Variants in TSHZ2 observed in about 807,000 individuals in gnomAD.
The protein encoded by TSHZ2 is teashirt homolog 2.
In TSHZ2, 21 loss-of-function variants were observed where a neutral mutation model predicts 74.4. The ratio of observed to expected loss-of-function variants is 0.28; its 90% CI spans 0.20 to 0.41. The LOEUF is 0.41. TSHZ2 is among the 10% of genes least tolerant of loss of function. The pLI is 1.00. For synonymous variants in TSHZ2, 540 were observed against 515.3 expected (o/e 1.05, Z -0.65); for missense variants, 1,244 against 1,293.5 (o/e 0.96, Z 0.59).
chr20:53,154,179 T>C (rs1252158611), intron 1 of TSHZ2, among the ~76,000 whole-genome samples: 1 of 152,180 alleles, frequency 6.6e-6, no homozygotes, highest in Non-Finnish European at 1.5e-5. Flanking sequence ...GCTAGGGGAC[T>C]AGAACAGGGG....
At chr20:53,036,277 T>C (rs1056052374) in intron 1 of TSHZ2, among the ~76,000 whole-genome samples, 11 of 152,188 alleles carry the variant, frequency 7.2e-5, no homozygotes, top group Non-Finnish European at 1.5e-4. Context: ...ATGATAAACA[T>C]TAATTAAGTA....
At chr20:53,038,051 C>CGGGGA (rs1983885788) in intron 1 of TSHZ2, among the ~76,000 whole-genome samples, 1 of 151,772 alleles carries the variant, frequency 6.6e-6, no homozygotes, top group African/African-American at 2.4e-5. Context: ...GGATCACCTT[C>CGGGGA]GGGGAGGGAA....
chr20:53,484,566 AG>A (rs1340934486), intron 2 of TSHZ2, among the ~76,000 whole-genome samples: 1 of 151,444 alleles, frequency 6.6e-6, no homozygotes, highest in East Asian at 1.9e-4. Flanking sequence ...TTGTGTTTTT[AG>A]TAGAGACAGA....
intron 1 of TSHZ2, among the ~76,000 whole-genome samples, chr20:53,019,514 G>A (rs1413494002): frequency 6.6e-6 from 1 of 152,154 alleles, no homozygotes; most frequent in Non-Finnish European, 1.5e-5. Context: ...GGTATCAGGG[G>A]GTTGGGGGAG....
In TSHZ2 at chr20:53,165,449, G is replaced by A. The variant is rs368885799; in HGVS notation, c.41-88050G>A. Among the ~76,000 whole-genome samples, 10 of 152,276 alleles carry A rather than the reference G, an allele frequency of 6.6e-5. No homozygotes were observed. The East Asian group carries it at 7.7e-4, about 12-fold the overall frequency. Reference sequence around the variant, plus strand: ...ATTATTTACACCTTGTCACATTGTCGTGGTGGCGATTGAAAATTTTCTCCT... The same window carrying A: ...ATTATTTACACCTTGTCACATTGTCATGGTGGCGATTGAAAATTTTCTCCT... On this transcript the variant is annotated intron_variant, in intron 1 of 2. Coordinates refer to ENST00000371497, the MANE Select transcript of TSHZ2 (RefSeq NM_173485.6).
intron 2 of TSHZ2, among the ~76,000 whole-genome samples, chr20:53,416,714 T>G (rs1278450796): frequency 6.6e-6 from 1 of 152,216 alleles, no homozygotes; most frequent in Non-Finnish European, 1.5e-5. Flanking sequence ...GCTGAGAACA[T>G]AGTAGATGTC....
intron 2 of TSHZ2, among the ~76,000 whole-genome samples, chr20:53,262,654 C>T (rs1183670130): frequency 6.6e-6 from 1 of 152,132 alleles, no homozygotes. Context: ...GTCATGATGC[C>T]ACGCCCTGCA....
rs561625359 is a variant in TSHZ2, at chr20:53,195,448, A to G, written c.41-58051A>G. The stretch of plus-strand genomic sequence containing the variant: ...CAGGTAAATAAAGTGAAGGTTTGTA[A>G]AATATGAACGTTCATCATCTAAACT... On this transcript the variant is annotated intron_variant, in intron 1 of 2. Transcript: ENST00000371497. 4.6e-5 allele frequency among the ~76,000 whole-genome samples: 7 copies of G among 152,284 alleles called. No homozygotes were observed. The South Asian group carries it at 1.4e-3, about 32-fold the overall frequency.
chr20:53,008,988 TC>T (rs1214132809), intron 1 of TSHZ2, among the ~76,000 whole-genome samples: 8 of 19,774 alleles, frequency 4.0e-4, no homozygotes, highest in African/African-American at 7.0e-4. Flanking sequence ...CTCCTCTCTC[TC>T]TCTCTCTCTC....
chr20:53,257,670 C>T (rs1006143125), intron 2 of TSHZ2, among the ~76,000 whole-genome samples: 1 of 152,194 alleles, frequency 6.6e-6, no homozygotes, highest in Non-Finnish European at 1.5e-5. Context: ...ACACTAAGGG[C>T]CCTCCTATGT....
At chr20:53,324,595 C>T (rs1185828091) in intron 2 of TSHZ2, among the ~76,000 whole-genome samples, 4 of 152,040 alleles carry the variant, frequency 2.6e-5, no homozygotes, top group East Asian at 1.9e-4. Context: ...AGGCTGGTCT[C>T]GAACTCTTGA....
chr20:53,315,726 G>A (rs539185837), intron 2 of TSHZ2, among the ~76,000 whole-genome samples: 7 of 152,258 alleles, frequency 4.6e-5, no homozygotes, highest in African/African-American at 9.6e-5. Context: ...TAGACATCAC[G>A]GCGCTCTCAT....
intron 1 of TSHZ2, among the ~76,000 whole-genome samples, chr20:53,143,803 A>G (rs1385658099): frequency 1.3e-5 from 2 of 152,158 alleles, no homozygotes; most frequent in African/African-American, 4.8e-5. Flanking sequence ...CTGCCTAGAC[A>G]CAGCCGATTT....
At chr20:53,223,197 G>T (rs568954015) in intron 1 of TSHZ2, among the ~76,000 whole-genome samples, 150 of 152,060 alleles carry the variant, frequency 9.9e-4, no homozygotes, top group South Asian at 1.7e-3. Context: ...TGTCTATCAG[G>T]TTTTATTACC....
chr20:53,439,606 A>G (rs1325119354), intron 2 of TSHZ2, among the ~76,000 whole-genome samples: 1 of 152,252 alleles, frequency 6.6e-6, no homozygotes, highest in African/African-American at 2.4e-5. Context: ...ATTCTCACCC[A>G]GAGTGAAGAA....
At chr20:53,066,425 G>A (rs995944305) in intron 1 of TSHZ2, among the ~76,000 whole-genome samples, 2 of 151,770 alleles carry the variant, frequency 1.3e-5, no homozygotes, top group Non-Finnish European at 2.9e-5. Flanking sequence ...TATCTTCTAC[G>A]TAAAGGGAGG....
rs1384176408 is a variant in TSHZ2 at position 53,490,823 on chromosome 20, C to A, written c.*3688C>A. ...CAGTGTGCATGCATGAGTGTGTATT[C>A]ATATATATGTGTATACATATGAATT... On this transcript the variant is annotated 3_prime_UTR_variant, in exon 3 of 3. Transcript: ENST00000371497. The A allele has an allele frequency of 2.0e-5, 3 of 152,152 alleles. No homozygotes were observed. Among genetic ancestry groups the A allele is most frequent in the African/African-American group, 7.2e-5 (3 of 41,422 alleles). The allele number at this position is 152,152 out of a possible 1,614,324, so 9.4% of individuals were successfully genotyped here. A position where few individuals can be genotyped will look rare whatever the true frequency, so the allele number is the denominator to read the frequency against.
At chr20:53,309,344 C>T (rs200708409) in intron 2 of TSHZ2, among the ~76,000 whole-genome samples, 2 of 152,180 alleles carry the variant, frequency 1.3e-5, no homozygotes, top group East Asian at 1.9e-4. Context: ...GCCCTCCCAC[C>T]CCACTTCTAT....
intron 2 of TSHZ2, among the ~76,000 whole-genome samples, chr20:53,429,216 G>A (rs1983756052): frequency 6.6e-6 from 1 of 152,200 alleles, no homozygotes. Flanking sequence ...CTCCACCACA[G>A]AGAATTATGC....
Sources: gnomAD v4.1 joint callset for allele counts (sites outside exome capture counted in the v4.1 genomes callset) on GRCh38, gnomAD v4.1.1 for gene constraint, MANE v1.5 for transcripts, NCBI Gene and HGNC (gene_info 2026-07-23, HGNC 2026-07-21) for gene names.